Variants in DHX40 observed in about 807,000 individuals in gnomAD.
DHX40 encodes the protein probable ATP-dependent RNA helicase DHX40.
A neutral mutation model predicts 89.6 loss-of-function variants in DHX40; 28 were observed. The observed-to-expected ratio is 0.31, with a 90% CI of 0.23 to 0.43. DHX40 has a LOEUF of 0.43. DHX40 is among the 20% of genes least tolerant of loss of function. The pLI is 1.00. For synonymous variants in DHX40, 226 were observed against 283.6 expected (o/e 0.80, Z 2.04); for missense variants, 457 against 844.0 (o/e 0.54, Z 5.68).
At chr17:59,570,303 T>C in intron 2 of DHX40, among the ~76,000 whole-genome samples, 2 of 136,728 alleles carry the variant, frequency 1.5e-5, no homozygotes, top group South Asian at 4.3e-4. Context: ...TTATATATTA[T>C]ATATATAATA....
intron 12 of DHX40, among the ~76,000 whole-genome samples, chr17:59,596,544 G>A (rs927497111): frequency 3.9e-5 from 6 of 152,090 alleles, no homozygotes; most frequent in Non-Finnish European, 7.4e-5. Flanking sequence ...CTCCAGCCTG[G>A]GCAGCAGAGC....
intron 16 of DHX40, 23 bp from the exon 17 acceptor site, chr17:59,605,423 A>T (rs776061844): frequency 1.2e-6 from 2 of 1,600,282 alleles, no homozygotes; most frequent in South Asian, 2.2e-5. Context: ...AGTTACCATC[A>T]TTAAAAGAAA....
chr17:59,585,880 G>C (rs1156293918), intron 10 of DHX40, among the ~76,000 whole-genome samples: 1 of 150,792 alleles, frequency 6.6e-6, no homozygotes, highest in Non-Finnish European at 1.5e-5. Flanking sequence ...TGAAGGATGG[G>C]TGGGGCAGGA....
At chr17:59,601,386 G>A (rs917127435) in intron 14 of DHX40, among the ~76,000 whole-genome samples, 3 of 151,764 alleles carry the variant, frequency 2.0e-5, no homozygotes, top group African/African-American at 7.3e-5. Flanking sequence ...TCTCTGTTTC[G>A]TTATGAGTGT....
intron 2 of DHX40, among the ~76,000 whole-genome samples, chr17:59,570,075 T>C (rs1233370592): frequency 9.6e-6 from 1 of 104,666 alleles, no homozygotes; most frequent in African/African-American, 5.2e-5. Context: ...TATTATAATG[T>C]ATATTTATAT....
chr17:59,566,458 T>TA lies in DHX40; in HGVS notation c.113-168dup, dbSNP rs561617490. The stretch of plus-strand genomic sequence containing the variant: ...TGTTCTGGGCTCATTAACCCTCACT[T>TA]ACAAATTGCGCTCATTAACGCTCAC... On this transcript the variant is annotated intron_variant, in intron 1 of 17. Transcript: ENST00000251241. 7.7e-4 allele frequency among the ~76,000 whole-genome samples: 117 copies of TA among 152,324 alleles called. 1 individual carries two copies. The highest frequency in any genetic ancestry group is 6.8e-3 in the Middle Eastern group (2 of 294).
At chr17:59,588,576 C>A (rs891811579) in intron 12 of DHX40, among the ~76,000 whole-genome samples, 1 of 152,152 alleles carries the variant, frequency 6.6e-6, no homozygotes, top group African/African-American at 2.4e-5. Flanking sequence ...AGGTCATCTG[C>A]CCGCCTTGGC....
At chr17:59,589,521 CT>C (rs1488462086) in intron 12 of DHX40, among the ~76,000 whole-genome samples, 10 of 138,166 alleles carry the variant, frequency 7.2e-5, no homozygotes, top group Admixed American at 1.5e-4. Flanking sequence ...GCGCCCGGCC[CT>C]TGCTGGGATT....
chr17:59,605,611 C>G lies in DHX40; in HGVS notation c.2137C>G (p.Arg713Gly). 1 of 1,613,892 alleles carries G rather than the reference C, an allele frequency of 6.2e-7. No homozygotes were observed. The highest frequency in any genetic ancestry group is 1.1e-5 in the South Asian group (1 of 91,072). The change falls in exon 17 of 18, where the codon CGT becomes GGT. Residue 713 changes from arginine to glycine, a missense_variant. Arg to Gly is a moderately radical substitution (Grantham distance 125). Around this residue, in one of 9 missense-constraint regions of DHX40, gnomAD observed 120 missense variants for 161.7 expected, o/e 0.74. Coordinates refer to ENST00000251241, the MANE Select transcript of DHX40 (RefSeq NM_024612.5). ...NAHDLSSVAR[R>G]EVREDARRRW... ...ACATGATTTGAGCAGTGTGGCCCGA[C>G]GTGAAGTGAGAGAAGATGCAAGAAG... is the stretch of plus-strand genomic sequence containing the variant.
At chr17:59,591,266 C>T (rs959391559) in intron 12 of DHX40, among the ~76,000 whole-genome samples, 1 of 151,242 alleles carries the variant, frequency 6.6e-6, no homozygotes, top group African/African-American at 2.4e-5. Context: ...GATCGTGCCA[C>T]TGCACTCCAG....
chr17:59,595,931 G>A (rs1326427155), intron 12 of DHX40, among the ~76,000 whole-genome samples: 2 of 151,090 alleles, frequency 1.3e-5, no homozygotes, highest in East Asian at 1.9e-4. Flanking sequence ...TCTCTTCCTC[G>A]GGGAATTGGG....
At chr17:59,602,391 G>A (rs2030585387) in intron 14 of DHX40, 131 bp from the exon 15 acceptor site, 1 of 707,478 alleles carries the variant, frequency 1.4e-6, no homozygotes, top group East Asian at 2.9e-5. Context: ...TCAGGTGGAA[G>A]GGTAAATCTG....
At chr17:59,580,638 A>AG (rs2048933201) in intron 10 of DHX40, among the ~76,000 whole-genome samples, 1 of 137,460 alleles carries the variant, frequency 7.3e-6, no homozygotes, top group African/African-American at 2.8e-5. Context: ...TACAATTAAA[A>AG]AAAAAAAAAA....
In DHX40 at chr17:59,566,688, A is replaced by G. The variant is rs988384390; in HGVS notation, c.174A>G (p.Gln58=). The change falls in exon 2 of 18, where the codon CAA becomes CAG. Residue 58 remains glutamine (Q), a synonymous_variant. Coordinates refer to ENST00000251241, the MANE Select transcript of DHX40 (RefSeq NM_024612.5). ...CTCCAACTTTTCCTATTCAGAAACA[A>G]AGAAAAAAGATTATTCAAGCTGTGA... is the stretch of plus-strand genomic sequence containing the variant. ...GTTPTFPIQK[Q]RKKIIQAVRD... 2 of 1,607,006 alleles carry G rather than the reference A, an allele frequency of 1.2e-6. No individual in the cohort carries two copies. The highest frequency in any genetic ancestry group is 1.3e-5 in the African/African-American group (1 of 74,428).
chr17:59,600,345 AT>A, intron 14 of DHX40, among the ~76,000 whole-genome samples: 1 of 152,168 alleles, frequency 6.6e-6, no homozygotes, highest in African/African-American at 2.4e-5. Context: ...AAAAAAAAAA[AT>A]CTTAAAAATT....
intron 3 of DHX40, among the ~76,000 whole-genome samples, 177 bp downstream of exon 3, chr17:59,570,840 G>T (rs893723716): frequency 2.0e-5 from 3 of 152,118 alleles, no homozygotes; most frequent in African/African-American, 7.2e-5. Flanking sequence ...ATGCCACCAT[G>T]CCCAGCTAAT....
chr17:59,601,191 T>C (rs1039222749), intron 14 of DHX40, among the ~76,000 whole-genome samples: 5 of 150,678 alleles, frequency 3.3e-5, no homozygotes, highest in African/African-American at 1.2e-4. Flanking sequence ...ACACCTGTAG[T>C]GTCAGTTACT....
intron 1 of DHX40, 138 bp from the exon 2 acceptor site, chr17:59,566,489 T>C (rs1388521735): frequency 1.2e-6 from 1 of 820,624 alleles, no homozygotes; most frequent in African/African-American, 1.8e-5. Flanking sequence ...CTCACTTACA[T>C]GAGCGATTTA....
chr17:59,605,043 C>T (rs1467752574), intron 15 of DHX40, 72 bp from the exon 16 acceptor site: 3 of 1,265,380 alleles, frequency 2.4e-6, no homozygotes, highest in Non-Finnish European at 3.5e-6. Context: ...TTGTTCATTG[C>T]TGAATGTAAT....
Sources: allele counts gnomAD v4.1 joint callset (sites outside exome capture counted in the v4.1 genomes callset), GRCh38; gene constraint gnomAD v4.1.1; regional missense constraint gnomAD v4.1.1; transcripts MANE v1.5; gene names NCBI Gene and HGNC (gene_info 2026-07-23, HGNC 2026-07-21).